Variants in VPS13B observed in about 807,000 individuals in gnomAD.
VPS13B encodes vacuolar protein sorting 13 homolog B.
In VPS13B, 285 loss-of-function variants were observed where a neutral mutation model predicts 426.4. The ratio of observed to expected loss-of-function variants is 0.67; its 90% CI spans 0.61 to 0.74. VPS13B has a LOEUF of 0.74. VPS13B is among the 30% of genes least tolerant of loss of function. VPS13B has a pLI of 0.00. For synonymous variants in VPS13B, 1,676 were observed against 1,676.4 expected, an observed-to-expected ratio of 1.00 and a Z score of 0.01; for missense variants, 4,537 against 4,782.6, an observed-to-expected ratio of 0.95 and a Z score of 1.51.
In VPS13B at chr8:99,877,260, T is replaced by C. The variant is rs182902606; in HGVS notation, c.*1594T>C. On this transcript the variant is annotated 3_prime_UTR_variant, in exon 62 of 62. Transcript: ENST00000357162. ...CGAACAATTCTGACTATGAAAAATG[T>C]CTCTTTCAGTTTGTTCTGTAAATAT... 3.5e-4 allele frequency: 54 copies of C among 152,754 alleles called. No homozygotes were observed. Among genetic ancestry groups the C allele is most frequent in the African/African-American group, 1.3e-3 (52 of 41,574 alleles). The allele number at this position is 152,754 out of a possible 1,614,324, so 9.5% of individuals were successfully genotyped here.
intron 31 of VPS13B, among the ~76,000 whole-genome samples, chr8:99,574,487 T>C (rs779834157): frequency 2.8e-4 from 42 of 152,194 alleles, no homozygotes; most frequent in Non-Finnish European, 4.9e-4. Flanking sequence ...CAATACCTAA[T>C]TTATTGAGAG....
chr8:99,667,555 C>A (rs1177016488), intron 35 of VPS13B, among the ~76,000 whole-genome samples: 1 of 152,094 alleles, frequency 6.6e-6, no homozygotes, highest in African/African-American at 2.4e-5. Context: ...CTGTGTGTGA[C>A]TTCTTCTAAA....
At chr8:99,626,674 C>T (rs1304984066) in intron 33 of VPS13B, among the ~76,000 whole-genome samples, 1 of 152,062 alleles carries the variant, frequency 6.6e-6, no homozygotes, top group Admixed American at 6.5e-5. Flanking sequence ...AACTCTTATG[C>T]GTTGTTGGTG....
intron 11 of VPS13B, 86 bp from the exon 12 acceptor site, chr8:99,136,579 A>C: frequency 7.8e-7 from 1 of 1,274,142 alleles, no homozygotes; most frequent in Non-Finnish European, 1.1e-6. Context: ...CATTCTATAT[A>C]AAGATATGTG....
At chr8:99,498,080 A>G (rs1821028599) in intron 25 of VPS13B, among the ~76,000 whole-genome samples, 1 of 152,260 alleles carries the variant, frequency 6.6e-6, no homozygotes, top group South Asian at 2.1e-4. Context: ...ATTTCAAAAT[A>G]TTCATATAAA....
chr8:99,135,490 G>C (rs1178368074), intron 10 of VPS13B, 106 bp from the exon 11 acceptor site: 4 of 1,393,952 alleles, frequency 2.9e-6, no homozygotes, highest in Non-Finnish European at 3.9e-6. Flanking sequence ...TTCTGTTTTA[G>C]TGATTTCTTT....
chr8:99,201,117 T>C (rs1814294464), intron 17 of VPS13B, among the ~76,000 whole-genome samples: 1 of 152,152 alleles, frequency 6.6e-6, no homozygotes, highest in Non-Finnish European at 1.5e-5. Context: ...TTTCTCTGTT[T>C]ATCTTTGTTT....
chr8:99,177,140 G>C (rs1812675903), intron 16 of VPS13B, among the ~76,000 whole-genome samples: 1 of 152,182 alleles, frequency 6.6e-6, no homozygotes, highest in Non-Finnish European at 1.5e-5. Context: ...CAGATGATAA[G>C]AAGTAGGAGA....
At chr8:99,313,435 C>T (rs1245640149) in intron 19 of VPS13B, among the ~76,000 whole-genome samples, 2 of 152,188 alleles carry the variant, frequency 1.3e-5, no homozygotes, top group African/African-American at 4.8e-5. Flanking sequence ...GAGGTCCACT[C>T]CAGACCCTGT....
intron 37 of VPS13B, among the ~76,000 whole-genome samples, chr8:99,718,198 A>T (rs1379534553): frequency 6.6e-6 from 1 of 151,126 alleles, no homozygotes; most frequent in Non-Finnish European, 1.5e-5. Context: ...TCTTGCATCA[A>T]CCTCCTGAGT....
At chr8:99,396,606 A>C (rs2133324567) in intron 21 of VPS13B, among the ~76,000 whole-genome samples, 1 of 151,986 alleles carries the variant, frequency 6.6e-6, no homozygotes, top group African/African-American at 2.4e-5. Flanking sequence ...CCTAATATAT[A>C]GCCAGCCAAC....
At chr8:99,337,988 T>C (rs1811022628) in intron 19 of VPS13B, among the ~76,000 whole-genome samples, 2 of 152,246 alleles carry the variant, frequency 1.3e-5, no homozygotes, top group Non-Finnish European at 1.5e-5. Context: ...CTGGCATGTT[T>C]GTTGAAAATC....
intron 21 of VPS13B, among the ~76,000 whole-genome samples, chr8:99,423,423 A>ATTTTTTTTTTTTTT (rs202230044): frequency 7.2e-6 from 1 of 138,412 alleles, no homozygotes. Flanking sequence ...CATCTAGCTA[A>ATTTTTTTTTTTTTT]TTTTTTTTTT....
intron 4 of VPS13B, among the ~76,000 whole-genome samples, chr8:99,100,187 T>C (rs1363478783): frequency 6.6e-6 from 1 of 152,242 alleles, no homozygotes; most frequent in Non-Finnish European, 1.5e-5. Flanking sequence ...AGTGATAGTC[T>C]TCTACAGAAG....
intron 14 of VPS13B, among the ~76,000 whole-genome samples, chr8:99,152,923 T>A (rs1310039478): frequency 2.0e-5 from 3 of 152,224 alleles, no homozygotes; most frequent in Non-Finnish European, 2.9e-5. Flanking sequence ...ATGCTTGTAA[T>A]CCCAGTGCTT....
intron 30 of VPS13B, among the ~76,000 whole-genome samples, chr8:99,535,285 G>A (rs148211516): frequency 1.2e-4 from 18 of 152,202 alleles, no homozygotes; most frequent in Non-Finnish European, 2.2e-4. Context: ...TAAACAATAA[G>A]TCTTAAATAT....
At chr8:99,798,155 T>G (rs868721306) in intron 43 of VPS13B, among the ~76,000 whole-genome samples, 1 of 150,544 alleles carries the variant, frequency 6.6e-6, no homozygotes, top group South Asian at 2.1e-4. Flanking sequence ...TCCATTTGAG[T>G]ACCCAGGAAC....
intron 31 of VPS13B, among the ~76,000 whole-genome samples, chr8:99,571,584 T>A (rs1418843750): frequency 6.6e-6 from 1 of 152,178 alleles, no homozygotes; most frequent in Non-Finnish European, 1.5e-5. Context: ...TACCCTTTTT[T>A]TCATTGCCCT....
chr8:99,382,205 G>T (rs1813852817), intron 19 of VPS13B, among the ~76,000 whole-genome samples: 1 of 151,868 alleles, frequency 6.6e-6, no homozygotes, highest in Non-Finnish European at 1.5e-5. Flanking sequence ...TTGTAAAGGT[G>T]TCATGCTGTT....
Sources: gnomAD v4.1 joint callset for allele counts (sites outside exome capture counted in the v4.1 genomes callset) on GRCh38, gnomAD v4.1.1 for gene constraint, MANE v1.5 for transcripts, NCBI Gene and HGNC (gene_info 2026-07-23, HGNC 2026-07-21) for gene names.